The following RPTOR variants were observed in gnomAD, a reference collection of about 807,000 sequenced individuals.
RPTOR encodes the protein regulatory-associated protein of mTOR.
Under a neutral mutation model 169.9 loss-of-function variants are expected in RPTOR, and 21 were observed. The ratio of observed to expected loss-of-function variants is 0.12; its 90% CI spans 0.09 to 0.18. The LOEUF (loss-of-function observed/expected upper bound fraction) is 0.18. Ranked by LOEUF, RPTOR falls within the 10% of genes least tolerant of loss-of-function variation. The pLI, the probability that RPTOR is intolerant of heterozygous loss-of-function variation, is 1.00. For missense variants in RPTOR, 1,133 were observed against 1,855.9 expected, an observed-to-expected ratio of 0.61 and a Z score of 7.16; for synonymous variants, 732 against 753.2, an observed-to-expected ratio of 0.97 and a Z score of 0.46.
chr17:80,688,898 C>T (rs973613927), intron 3 of RPTOR, among the ~76,000 whole-genome samples: 7 of 152,222 alleles, frequency 4.6e-5, no homozygotes, highest in South Asian at 2.1e-4. Flanking sequence ...GCCTGGTGGG[C>T]GAGTGAGTCT....
chr17:80,817,608 G>GCC (rs1332893581), intron 7 of RPTOR, among the ~76,000 whole-genome samples: 1 of 152,130 alleles, frequency 6.6e-6, no homozygotes, highest in East Asian at 1.9e-4. Context: ...GAGTGATGGG[G>GCC]CAAATGACAG....
chr17:80,962,263 T>C (rs940572814), intron 31 of RPTOR, among the ~76,000 whole-genome samples, 198 bp from the exon 32 acceptor site: 2 of 152,212 alleles, frequency 1.3e-5, no homozygotes, highest in African/African-American at 4.8e-5. Context: ...GCCTTGGCCC[T>C]GAGACCAGTA....
intron 3 of RPTOR, among the ~76,000 whole-genome samples, chr17:80,665,288 C>T (rs2065754997): frequency 6.6e-6 from 1 of 151,378 alleles, no homozygotes; most frequent in Non-Finnish European, 1.5e-5. Context: ...ATCCTAACCA[C>T]ACTGCTTGTT....
At position 80,672,366 on chromosome 17, in the gene RPTOR, C is replaced by CT. The variant is rs61114947; in HGVS notation, c.348+28575dup. On this transcript the variant is annotated intron_variant, in intron 3 of 33. Coordinates refer to ENST00000306801, the MANE Select transcript of RPTOR (RefSeq NM_020761.3). Reference sequence around the variant, plus strand: ...ATGTTTACTTTGCTGTGCAAAGGTTCTTTTTTTTTTTTTTTTTTTAAATGG... The same window carrying CT: ...ATGTTTACTTTGCTGTGCAAAGGTTCTTTTTTTTTTTTTTTTTTTTAAATGG... Among the ~76,000 whole-genome samples the CT allele has an allele frequency of 4.5e-3, 603 of 133,290 alleles. 5 individuals carry two copies. Among genetic ancestry groups the CT allele is most frequent in the Admixed American group, 0.017 (228 of 13,226 alleles). 87.4% of individuals were successfully genotyped at this position (133,290 alleles called of 152,430 possible). A position where few individuals can be genotyped will look rare whatever the true frequency, so the allele number is the denominator to read the frequency against.
intron 22 of RPTOR, 102 bp from the exon 23 acceptor site, chr17:80,923,388 G>A (rs770698757): frequency 6.8e-6 from 9 of 1,314,340 alleles, no homozygotes; most frequent in Non-Finnish European, 8.7e-6. Flanking sequence ...GGCCCTGGTG[G>A]CACCTGGGAG....
At chr17:80,833,793 C>A (rs1389700867) in intron 9 of RPTOR, among the ~76,000 whole-genome samples, 1 of 152,134 alleles carries the variant, frequency 6.6e-6, no homozygotes, top group African/African-American at 2.4e-5. Flanking sequence ...AGTTCGAGAC[C>A]CGCCTGACCA....
chr17:80,611,638 G>A (rs1057483263), intron 1 of RPTOR, among the ~76,000 whole-genome samples: 45 of 151,718 alleles, frequency 3.0e-4, no homozygotes, highest in African/African-American at 9.2e-4. Context: ...TCATTCACCC[G>A]TCTAACCATA....
chr17:80,822,746 G>A (rs1172260873), intron 8 of RPTOR, among the ~76,000 whole-genome samples: 1 of 150,810 alleles, frequency 6.6e-6, no homozygotes, highest in Non-Finnish European at 1.5e-5. Flanking sequence ...GTGTGTATAT[G>A]CATATTTGTG....
chr17:80,670,887 C>G (rs2065816753), intron 3 of RPTOR, among the ~76,000 whole-genome samples: 1 of 152,040 alleles, frequency 6.6e-6, no homozygotes, highest in South Asian at 2.1e-4. Context: ...AATGGATTCT[C>G]CCTGGTCCTA....
rs1461858604 is a variant in RPTOR, at chr17:80,781,432, T to TAA, written c.831-10017_831-10016insAA. On this transcript the variant is annotated intron_variant, in intron 6 of 33. Transcript: ENST00000306801. ...TTCTTCCCGGAGGGTACCAACGAGC[T>TAA]AGGCCTGGTGCTGCCGAAAAGGAAC... Among the ~76,000 whole-genome samples the TAA allele has an allele frequency of 2.4e-3, 360 of 152,306 alleles. 2 individuals are homozygous for TAA. Among genetic ancestry groups the TAA allele is most frequent in the Non-Finnish European group, 1.4e-3 (98 of 68,024 alleles).
intron 28 of RPTOR, among the ~76,000 whole-genome samples, chr17:80,950,070 C>T (rs9909085): frequency 0.018 from 2,737 of 152,188 alleles, 85 homozygotes; most frequent in African/African-American, 0.062. Flanking sequence ...GGCCTGGGTG[C>T]GGGGCGAGGC....
In RPTOR at chr17:80,960,019, C is replaced by T; in HGVS notation, c.3478-59C>T. The T allele has an allele frequency of 1.2e-6, 2 of 1,603,122 alleles. No individual in the cohort carries two copies. Among genetic ancestry groups the T allele is most frequent in the Non-Finnish European group, 1.7e-6 (2 of 1,173,832 alleles). ...CAAGAGGGGTCCTGGCGCTGCAGGA[C>T]AGCAGGGAGGGTGGCTCGGTGCCCC... On this transcript the variant is annotated intron_variant, in intron 29 of 33. Transcript: ENST00000306801. The surrounding 1 kb of genome is among the most constrained non-coding windows in gnomAD (Gnocchi z 4.8).
chr17:80,583,010 G>T (rs2065028348), intron 1 of RPTOR, among the ~76,000 whole-genome samples: 1 of 149,692 alleles, frequency 6.7e-6, no homozygotes, highest in Admixed American at 6.7e-5. Context: ...TCACCTCCCA[G>T]GTTCAAGCAA....
chr17:80,604,532 T>C (rs1039179259), intron 1 of RPTOR, among the ~76,000 whole-genome samples: 3 of 152,232 alleles, frequency 2.0e-5, no homozygotes, highest in Non-Finnish European at 2.9e-5. Flanking sequence ...CTGACGATGC[T>C]GTCCCTGTTG....
intron 1 of RPTOR, among the ~76,000 whole-genome samples, chr17:80,573,090 A>G (rs538381101): frequency 6.6e-6 from 1 of 152,226 alleles, no homozygotes; most frequent in Admixed American, 6.5e-5. Context: ...TCGTAGGCCA[A>G]GTAGGTCTGT....
intron 2 of RPTOR, 148 bp downstream of exon 2, chr17:80,625,941 T>C: frequency 1.6e-6 from 1 of 620,172 alleles, no homozygotes; most frequent in East Asian, 2.7e-5. Flanking sequence ...CACATCACCT[T>C]TGAGTAATTT....
intron 4 of RPTOR, among the ~76,000 whole-genome samples, chr17:80,722,157 G>A (rs1005887676): frequency 3.3e-5 from 5 of 150,856 alleles, no homozygotes; most frequent in Admixed American, 6.6e-5. Flanking sequence ...TGTGTGGCAC[G>A]TTCTTGGCAT....
At chr17:80,853,195 T>C (rs2067812599) in intron 11 of RPTOR, among the ~76,000 whole-genome samples, 1 of 152,150 alleles carries the variant, frequency 6.6e-6, no homozygotes, top group African/African-American at 2.4e-5. Context: ...CCTCTCTGCA[T>C]GCCGTCGGCG....
rs769844566 is a variant in RPTOR at position 80,838,015 on chromosome 17, C to T, written c.1212+18C>T. On this transcript the variant is annotated intron_variant, in intron 10 of 33. Coordinates refer to ENST00000306801, the MANE Select transcript of RPTOR (RefSeq NM_020761.3). ...CGTTTCGGGTGAGTCCCTCCAAGGGCACCCTGTGCATCCGCGGCGGCAGCC... is the reference window on the plus strand; with the variant it reads ...CGTTTCGGGTGAGTCCCTCCAAGGGTACCCTGTGCATCCGCGGCGGCAGCC... The T allele has an allele frequency of 3.1e-6, 5 of 1,600,276 alleles. No individual in the cohort carries two copies. Among genetic ancestry groups the T allele is most frequent in the Non-Finnish European group, 4.3e-6 (5 of 1,172,382 alleles).
Sources: allele counts gnomAD v4.1 joint callset (sites outside exome capture counted in the v4.1 genomes callset), GRCh38; gene constraint gnomAD v4.1.1; non-coding constraint Gnocchi (gnomAD v3.1); transcripts MANE v1.5; gene names NCBI Gene and HGNC (gene_info 2026-07-23, HGNC 2026-07-21).